PCDH11X: variants seen among roughly 807,000 people sequenced by gnomAD.
PCDH11X encodes the protein protocadherin-11 X-linked.
Under a neutral mutation model 53.3 loss-of-function variants are expected in PCDH11X, and 18 were observed. That is an observed-to-expected ratio of 0.34 (90% confidence interval 0.23 to 0.50). The LOEUF (loss-of-function observed/expected upper bound fraction) is 0.50. PCDH11X is among the 20% of genes least tolerant of loss of function. The pLI, the probability that PCDH11X is intolerant of heterozygous loss-of-function variation, is 0.98. For missense variants in PCDH11X, 570 were observed against 1,032.4 expected (o/e 0.55, Z 6.14); for synonymous variants, 279 against 393.3 (o/e 0.71, Z 3.44).
At chrX:91,873,310 C>T (rs34847743) in intron 5 of PCDH11X, among the ~76,000 whole-genome samples, 21,249 of 107,757 alleles carry the variant, frequency 0.2, 1,810 homozygotes, top group East Asian at 0.31. Flanking sequence ...CTGTTGAGAA[C>T]TTAAAATATG....
intron 6 of PCDH11X, among the ~76,000 whole-genome samples, chrX:92,048,064 T>C (rs943369391): frequency 9.0e-6 from 1 of 111,117 alleles, no homozygotes; most frequent in Non-Finnish European, 1.9e-5. Context: ...GAAGTAGAAG[T>C]ACTTAGTAAT....
intron 6 of PCDH11X, among the ~76,000 whole-genome samples, chrX:92,040,044 A>G (rs753276446): frequency 9.2e-6 from 1 of 109,194 alleles, no homozygotes; most frequent in East Asian, 3.0e-4. Flanking sequence ...GCCCTATCTT[A>G]TTTTGGCTGA....
chrX:92,274,366 C>G (rs898777020), intron 8 of PCDH11X, among the ~76,000 whole-genome samples: 18 of 109,726 alleles, frequency 1.6e-4, no homozygotes, highest in African/African-American at 6.1e-4. Flanking sequence ...GCCTGAAAAA[C>G]TGCTTGGCTG....
chrX:92,218,070 T>C (rs2066762839), intron 7 of PCDH11X, among the ~76,000 whole-genome samples: 1 of 108,761 alleles, frequency 9.2e-6, no homozygotes, highest in East Asian at 2.9e-4. Context: ...AGAGGGAAAT[T>C]CTAAATGCCC....
intron 1 of PCDH11X, among the ~76,000 whole-genome samples, chrX:91,805,588 G>C (rs1490996986): frequency 9.0e-6 from 1 of 111,061 alleles, no homozygotes; most frequent in Non-Finnish European, 1.9e-5. Flanking sequence ...GCCAAAGCAG[G>C]GGGGCTTGCT....
chrX:92,384,789 G>T (rs2070976638), intron 8 of PCDH11X, among the ~76,000 whole-genome samples: 2 of 105,990 alleles, frequency 1.9e-5, no homozygotes, highest in Admixed American at 1.0e-4. Flanking sequence ...GTTTAGGGAG[G>T]GTCAGAATCT....
chrX:92,191,786 C>T (rs920458009), intron 6 of PCDH11X, among the ~76,000 whole-genome samples: 1 of 111,978 alleles, frequency 8.9e-6, no homozygotes, highest in African/African-American at 3.2e-5. Flanking sequence ...CTTGAGTTTA[C>T]ACTGACAAAG....
intron 6 of PCDH11X, among the ~76,000 whole-genome samples, chrX:92,189,483 A>T (rs1412534114): frequency 9.0e-6 from 1 of 111,715 alleles, no homozygotes; most frequent in African/African-American, 3.3e-5. Flanking sequence ...ATTTGGGCTG[A>T]TTCCATGTCT....
At chrX:92,178,585 T>C (rs772081221) in intron 6 of PCDH11X, among the ~76,000 whole-genome samples, 1 of 111,962 alleles carries the variant, frequency 8.9e-6, no homozygotes, top group Admixed American at 9.5e-5. Context: ...ATAAAATTAA[T>C]GAGATAATTA....
intron 1 of PCDH11X, among the ~76,000 whole-genome samples, chrX:91,801,089 A>T (rs1205605519): frequency 1.0e-4 from 10 of 100,031 alleles, no homozygotes; most frequent in African/African-American, 3.3e-4. Context: ...CTGAGGTGGG[A>T]GGATTACTTG....
chrX:92,184,074 A>C (rs1210411176), intron 6 of PCDH11X, among the ~76,000 whole-genome samples: 1 of 111,963 alleles, frequency 8.9e-6, no homozygotes, highest in Non-Finnish European at 1.9e-5. Context: ...TAGCCCCAGC[A>C]TGTGGAACAG....
intron 6 of PCDH11X, among the ~76,000 whole-genome samples, chrX:91,979,361 AAG>A (rs924857082): frequency 1.9e-5 from 2 of 107,883 alleles, no homozygotes; most frequent in Admixed American, 2.0e-4. Flanking sequence ...CAAGACAAGA[AAG>A]AGTAACGGCA....
chrX:92,369,035 A>G (rs1249400124), intron 8 of PCDH11X, among the ~76,000 whole-genome samples: 3 of 82,102 alleles, frequency 3.7e-5, no homozygotes, highest in East Asian at 6.4e-4. Flanking sequence ...CTGTGCTGGG[A>G]GAATCCCTTT....
rs372523830 is a variant in PCDH11X, at chrX:92,618,845, T to C, written c.3949T>C (p.Ser1317Pro). ...TGAAAGACTTCATCCCAGTGATGAT[T>C]CAATTAAAGTCATTCCTTTGACAAC... is the stretch of plus-strand genomic sequence containing the variant. The part of the protein sequence containing the change: ...MSERLHPSDD[S>P]IKVIPLTTFT... Residue 1317 changes from serine (S) to proline (P), a missense_variant, in exon 11 of 11, where the codon TCA becomes CCA. Ser to Pro is a moderately conservative substitution (Grantham distance 74). This residue lies in a region of PCDH11X where 234 missense variants were observed against 296.1 expected (regional missense o/e 0.79). Transcript: ENST00000682573. 3 of 1,211,858 alleles carry C rather than the reference T, an allele frequency of 2.5e-6. No individual in the cohort carries two copies. Among genetic ancestry groups the C allele is most frequent in the Non-Finnish European group, 3.4e-6 (3 of 895,460 alleles).
intron 7 of PCDH11X, among the ~76,000 whole-genome samples, chrX:92,249,450 C>G (rs2067416686): frequency 1.8e-5 from 2 of 112,255 alleles, no homozygotes; most frequent in South Asian, 7.3e-4. Context: ...AAAATTCAAA[C>G]TATTAAAAAT....
chrX:91,878,347 A>G lies in PCDH11X; in HGVS notation c.2107A>G (p.Asn703Asp), dbSNP rs770234339. 39 of 1,204,836 alleles carry G rather than the reference A, an allele frequency of 3.2e-5. No individual in the cohort carries two copies. Among genetic ancestry groups the G allele is most frequent in the Non-Finnish European group, 4.3e-5 (38 of 892,961 alleles). ...TVVFQVIAVD[N>D]DTGMNAEVRY... The stretch of plus-strand genomic sequence containing the variant: ...GGTCTTTCAGGTAATTGCTGTTGAC[A>G]ATGACACTGGCATGAATGCAGAGGT... Residue 703 changes from asparagine to aspartate, a missense_variant, in exon 6 of 11, where the codon AAT (asparagine) becomes GAT (aspartate). Asn to Asp is a conservative substitution (Grantham distance 23). Transcript: ENST00000682573.
chrX:92,114,156 C>T (rs2064584609), intron 6 of PCDH11X: 2 of 1,178,647 alleles, frequency 1.7e-6, no homozygotes, highest in Non-Finnish European at 2.3e-6. Flanking sequence ...GGACCAAGGC[C>T]TGGGTGGCTT....
At chrX:92,341,709 G>A (rs955747832) in intron 8 of PCDH11X, among the ~76,000 whole-genome samples, 13 of 110,940 alleles carry the variant, frequency 1.2e-4, no homozygotes, top group African/African-American at 2.0e-4. Context: ...TTCGTGAGTC[G>A]TCCGACTCCA....
intron 5 of PCDH11X, among the ~76,000 whole-genome samples, chrX:91,875,313 C>A (rs1939541560): frequency 1.1e-5 from 1 of 88,790 alleles, no homozygotes; most frequent in Admixed American, 1.4e-4. Context: ...AGACGAGTCT[C>A]ACTCTGTCGC....
Sources: gnomAD v4.1 joint callset for allele counts (sites outside exome capture counted in the v4.1 genomes callset) on GRCh38, gnomAD v4.1.1 for gene constraint, gnomAD v4.1.1 regional missense constraint, MANE v1.5 for transcripts, NCBI Gene and HGNC (gene_info 2026-07-23, HGNC 2026-07-21) for gene names.